KCNH5: variants seen among roughly 807,000 people sequenced by gnomAD.
KCNH5 encodes the protein potassium voltage-gated channel subfamily H member 5.
In KCNH5, 46 loss-of-function variants were observed where a neutral mutation model predicts 96.1. The observed-to-expected ratio is 0.48, with a 90% CI of 0.38 to 0.61. KCNH5 has a LOEUF of 0.61. Ranked by LOEUF, KCNH5 falls within the 20% of genes least tolerant of loss-of-function variation. The pLI is 0.00. For missense variants in KCNH5, 907 were observed against 1,225.8 expected, an observed-to-expected ratio of 0.74 and a Z score of 3.88; for synonymous variants, 439 against 449.8, an observed-to-expected ratio of 0.98 and a Z score of 0.30.
At chr14:63,004,346 T>C (rs889661252) in intron 3 of KCNH5, among the ~76,000 whole-genome samples, 4 of 152,210 alleles carry the variant, frequency 2.6e-5, no homozygotes, top group African/African-American at 9.6e-5. Flanking sequence ...TCAATGTAGA[T>C]AGTGCACAGA....
rs1888298652 is a variant in KCNH5, at chr14:62,873,358, C to T, written c.1370-23506G>A. 2.0e-5 allele frequency among the ~76,000 whole-genome samples: 3 copies of T among 152,058 alleles called. No individual in the cohort carries two copies. The South Asian group carries it at 6.2e-4, about 32-fold the overall frequency. ...ACAGCTCTTTATATTGTTACCAATG[C>T]ATAGGTCTAGAATGTGGCTCTTGAG... On this transcript the variant is annotated intron_variant, in intron 7 of 10. Coordinates refer to ENST00000322893, the MANE Select transcript of KCNH5 (RefSeq NM_139318.5).
chr14:62,774,870 T>C (rs764788634), intron 10 of KCNH5, among the ~76,000 whole-genome samples: 3 of 152,190 alleles, frequency 2.0e-5, no homozygotes, highest in Non-Finnish European at 4.4e-5. Context: ...CTCTCACACA[T>C]GGGATCTTAA....
At chr14:63,001,263 G>A in intron 4 of KCNH5, 68 bp downstream of exon 4, 1 of 1,431,718 alleles carries the variant, frequency 7.0e-7, no homozygotes, top group Non-Finnish European at 9.4e-7. Flanking sequence ...ATCAGCAGAG[G>A]TAAAACAGTA....
At chr14:62,857,780 C>T (rs779533511) in intron 7 of KCNH5, among the ~76,000 whole-genome samples, 8 of 152,130 alleles carry the variant, frequency 5.3e-5, no homozygotes, top group Non-Finnish European at 1.0e-4. Context: ...ATGTTAAACT[C>T]CTTTGGCAAC....
intron 10 of KCNH5, among the ~76,000 whole-genome samples, chr14:62,764,618 C>T (rs139439755): frequency 1.4e-3 from 214 of 152,214 alleles, no homozygotes; most frequent in Middle Eastern, 6.8e-3. Flanking sequence ...ACTTAGAAAC[C>T]GTACAGTATC....
At chr14:62,922,032 C>G (rs1391307832) in intron 7 of KCNH5, among the ~76,000 whole-genome samples, 3 of 151,980 alleles carry the variant, frequency 2.0e-5, no homozygotes, top group Non-Finnish European at 4.4e-5. Flanking sequence ...ATGTCTAGAA[C>G]CAGAGCTCTT....
At chr14:62,913,032 T>G (rs1050402159) in intron 7 of KCNH5, among the ~76,000 whole-genome samples, 3 of 152,240 alleles carry the variant, frequency 2.0e-5, no homozygotes, top group Admixed American at 6.5e-5. Context: ...CAATAATATC[T>G]ACATAAAATG....
chr14:62,817,729 C>A (rs138555228), intron 8 of KCNH5, among the ~76,000 whole-genome samples: 12 of 128,798 alleles, frequency 9.3e-5, no homozygotes, highest in East Asian at 3.4e-4. Context: ...GGAATATATT[C>A]TATATAATAA....
At chr14:63,001,248 G>C in intron 4 of KCNH5, 83 bp downstream of exon 4, 1 of 1,288,268 alleles carries the variant, frequency 7.8e-7, no homozygotes, top group East Asian at 2.5e-5. Context: ...TTGTTTTCCA[G>C]TTCAATCAGC....
intron 5 of KCNH5, 69 bp from the exon 6 acceptor site, chr14:62,981,333 T>C: frequency 6.8e-7 from 1 of 1,464,402 alleles, no homozygotes; most frequent in Non-Finnish European, 9.4e-7. Flanking sequence ...AATTCAAATC[T>C]ACTGGCAGTC....
At chr14:63,040,238 G>A (rs1027009188) in intron 1 of KCNH5, among the ~76,000 whole-genome samples, 10 of 152,042 alleles carry the variant, frequency 6.6e-5, no homozygotes, top group East Asian at 1.9e-4. Flanking sequence ...CAGTTACAAG[G>A]TGCCTAGGTA....
chr14:62,784,675 A>T (rs1886285331), intron 9 of KCNH5, among the ~76,000 whole-genome samples: 1 of 152,188 alleles, frequency 6.6e-6, no homozygotes, highest in African/African-American at 2.4e-5. Flanking sequence ...AACAGGTAAA[A>T]GGTACTCAAA....
chr14:62,777,453 T>G (rs1453696232), intron 10 of KCNH5, among the ~76,000 whole-genome samples: 1 of 152,238 alleles, frequency 6.6e-6, no homozygotes, highest in Non-Finnish European at 1.5e-5. Context: ...TGCCTGGCTA[T>G]ATACAACATG....
intron 7 of KCNH5, among the ~76,000 whole-genome samples, chr14:62,875,984 T>C (rs1205459567): frequency 6.6e-6 from 1 of 152,154 alleles, no homozygotes; most frequent in African/African-American, 2.4e-5. Flanking sequence ...CTGGCCAAGA[T>C]AGTGAAACCC....
intron 7 of KCNH5, among the ~76,000 whole-genome samples, chr14:62,928,133 C>G (rs149683096): frequency 2.0e-5 from 3 of 152,118 alleles, no homozygotes; most frequent in African/African-American, 7.2e-5. Flanking sequence ...AATAGGAGAC[C>G]AGTGAACTAA....
At position 62,841,233 on chromosome 14, in the gene KCNH5, GT is replaced by G. The variant is rs201544779; in HGVS notation, c.1569+8419del. 7.3e-3 allele frequency among the ~76,000 whole-genome samples: 1,106 copies of G among 152,172 alleles called. 13 individuals carry two copies. Among genetic ancestry groups the G allele is most frequent in the African/African-American group, 0.025 (1,027 of 41,516 alleles). On this transcript the variant is annotated intron_variant, in intron 8 of 10. Coordinates refer to ENST00000322893, the MANE Select transcript of KCNH5 (RefSeq NM_139318.5). ...CAGAAATCAAAGAAATTGAAACACT[GT>G]TTCTTAAAAGTTTAGTTTATAAAAT...
At chr14:62,932,795 C>CTCCATTAGA (rs1279086950) in intron 7 of KCNH5, among the ~76,000 whole-genome samples, 1 of 152,062 alleles carries the variant, frequency 6.6e-6, no homozygotes, top group Admixed American at 6.6e-5. Flanking sequence ...GTCCTCTGAA[C>CTCCATTAGA]AGTTCCATTA....
intron 10 of KCNH5, among the ~76,000 whole-genome samples, chr14:62,758,884 G>C (rs993938253): frequency 1.8e-4 from 27 of 152,218 alleles, no homozygotes; most frequent in African/African-American, 6.5e-4. Context: ...TGAGGAGGGA[G>C]CTAGACATAG....
chr14:63,001,348 T>G lies in KCNH5; in HGVS notation c.416A>C (p.Glu139Ala). 1 of 1,605,852 alleles carries G rather than the reference T, an allele frequency of 6.2e-7. No individual in the cohort carries two copies. Among genetic ancestry groups the G allele is most frequent in the Non-Finnish European group, 8.5e-7 (1 of 1,177,056 alleles). ...KDITLFKQPI[E>A]DDSTKGWTKF... ...AAAATTACCTTTTGTTGAATCATCC[T>G]CTATTGGCTGTTTGAACAACGTAAT... Residue 139 changes from glutamate to alanine, a missense_variant, in exon 4 of 11, where the codon GAG (glutamate) becomes GCG (alanine). Around this residue, in one of 6 missense-constraint regions of KCNH5, gnomAD observed 370 missense variants for 561.3 expected, o/e 0.66. Transcript: ENST00000322893.
Sources: allele counts gnomAD v4.1 joint callset (sites outside exome capture counted in the v4.1 genomes callset), GRCh38; gene constraint gnomAD v4.1.1; regional missense constraint gnomAD v4.1.1; transcripts MANE v1.5; gene names NCBI Gene and HGNC (gene_info 2026-07-23, HGNC 2026-07-21).